The following UGT1A8 variants were observed in gnomAD, a reference collection of about 807,000 sequenced individuals.
UGT1A8 encodes the protein UDP-glucuronosyltransferase 1A8.
Under a neutral mutation model 45.3 loss-of-function variants are expected in UGT1A8, and 39 were observed. The observed-to-expected ratio is 0.86, with a 90% CI of 0.67 to 1.12. UGT1A8 has a LOEUF of 1.12. UGT1A8 is among the 50% of genes most tolerant of loss of function. The pLI, the probability that UGT1A8 is intolerant of heterozygous loss-of-function variation, is 0.00. For missense variants in UGT1A8, 719 were observed against 664.9 expected, an observed-to-expected ratio of 1.08 and a Z score of -0.90; for synonymous variants, 275 against 249.2, an observed-to-expected ratio of 1.10 and a Z score of -0.97.
chr2:233,656,353 G>A (rs959069106), intron 1 of UGT1A8, among the ~76,000 whole-genome samples: 107 of 152,198 alleles, frequency 7.0e-4, no homozygotes, highest in Middle Eastern at 3.2e-3. Flanking sequence ...TTCTTACCAG[G>A]AGAAAGTTAC....
chr2:233,712,601 G>T (rs2076243424), intron 1 of UGT1A8, among the ~76,000 whole-genome samples: 1 of 152,202 alleles, frequency 6.6e-6, no homozygotes, highest in Non-Finnish European at 1.5e-5. Context: ...TATGGTTGGG[G>T]ACTAGGGCAA....
At position 233,738,564 on chromosome 2, in the gene UGT1A8, T is replaced by G. The variant is rs1575624453; in HGVS notation, c.856-28470T>G. Reference sequence around the variant, plus strand: ...GAGTCTCAGATAGAGATGAGGAATCTGTTGAGAACTGGAGCAAAGGTCACT... The same window carrying G: ...GAGTCTCAGATAGAGATGAGGAATCGGTTGAGAACTGGAGCAAAGGTCACT... On this transcript the variant is annotated intron_variant, in intron 1 of 4. Transcript: ENST00000373450. Among the ~76,000 whole-genome samples, 3 of 152,322 alleles carry G rather than the reference T, an allele frequency of 2.0e-5. No individual in the cohort carries two copies. The South Asian group carries it at 6.2e-4, about 32-fold the overall frequency.
At chr2:233,636,804 C>T in intron 1 of UGT1A8, 1 of 1,614,148 alleles carries the variant, frequency 6.2e-7, no homozygotes. Flanking sequence ...TGGTTTTCGC[C>T]CATGCTCAAT....
chr2:233,707,787 G>A (rs1320068182), intron 1 of UGT1A8, among the ~76,000 whole-genome samples: 1 of 152,136 alleles, frequency 6.6e-6, no homozygotes, highest in Non-Finnish European at 1.5e-5. Context: ...ATATACCTAG[G>A]GGTGGAGCTG....
chr2:233,719,216 G>A (rs767651988), intron 1 of UGT1A8: 7 of 1,614,090 alleles, frequency 4.3e-6, no homozygotes, highest in East Asian at 4.5e-5. Context: ...TGGAGCTACT[G>A]CATAATGAGG....
Position 233,729,365 on chromosome 2 carries a change from A to C in UGT1A8, c.856-37669A>C, listed in dbSNP as rs367794808. ...GAGAACTTTTTCACCCTGACAACCT[A>C]TGCCATTTCGTGGACCCAGGATGAA... On this transcript the variant is annotated intron_variant, in intron 1 of 4. Coordinates refer to ENST00000373450, the MANE Select transcript of UGT1A8 (RefSeq NM_019076.5). 153 of 1,614,014 alleles carry C rather than the reference A, an allele frequency of 9.5e-5. No individual in the cohort carries two copies. Among genetic ancestry groups the C allele is most frequent in the Non-Finnish European group, 1.3e-4 (148 of 1,180,000 alleles).
chr2:233,654,812 C>A (rs1488580020), intron 1 of UGT1A8, among the ~76,000 whole-genome samples: 1 of 152,166 alleles, frequency 6.6e-6, no homozygotes, highest in Non-Finnish European at 1.5e-5. Flanking sequence ...AGAAATAAGG[C>A]CCAGCACAGT....
intron 1 of UGT1A8, among the ~76,000 whole-genome samples, chr2:233,661,995 G>A (rs571765797): frequency 6.6e-6 from 1 of 152,062 alleles, no homozygotes; most frequent in Non-Finnish European, 1.5e-5. Flanking sequence ...CTCACACGGC[G>A]TACTGAGTGG....
chr2:233,733,594 G>A (rs1409734181), intron 1 of UGT1A8, among the ~76,000 whole-genome samples: 1 of 152,164 alleles, frequency 6.6e-6, no homozygotes, highest in African/African-American at 2.4e-5. Context: ...TTCTGTTTAT[G>A]TGATGGATTA....
chr2:233,688,230 G>T (rs1056859026), intron 1 of UGT1A8, among the ~76,000 whole-genome samples: 3 of 152,180 alleles, frequency 2.0e-5, no homozygotes, highest in Non-Finnish European at 4.4e-5. Flanking sequence ...CCATGTTGTA[G>T]CATGAATCAG....
intron 1 of UGT1A8, chr2:233,718,913 G>T (rs2076699236): frequency 6.2e-7 from 1 of 1,613,958 alleles, no homozygotes; most frequent in African/African-American, 1.3e-5. Context: ...GTGGAAAGGT[G>T]TTGGTGGTGC....
intron 1 of UGT1A8, chr2:233,691,054 G>A (rs1435812829): frequency 1.5e-5 from 15 of 987,344 alleles, no homozygotes; most frequent in African/African-American, 3.5e-5. Flanking sequence ...GCAGAGTGGA[G>A]GTCTAGTATA....
chr2:233,656,715 G>T (rs764854716), intron 1 of UGT1A8, among the ~76,000 whole-genome samples: 5 of 152,078 alleles, frequency 3.3e-5, no homozygotes, highest in African/African-American at 1.2e-4. Context: ...GTGACGAGGC[G>T]TGTCCAGCCT....
At chr2:233,694,300 T>G (rs1423293480) in intron 1 of UGT1A8, among the ~76,000 whole-genome samples, 1 of 151,018 alleles carries the variant, frequency 6.6e-6, no homozygotes, top group East Asian at 1.9e-4. Flanking sequence ...AAGGCCTGTT[T>G]TTTGTTTTTT....
At chr2:233,736,459 C>G (rs1461778368) in intron 1 of UGT1A8, among the ~76,000 whole-genome samples, 5 of 152,202 alleles carry the variant, frequency 3.3e-5, no homozygotes, top group Admixed American at 3.3e-4. Flanking sequence ...TTCGAACATG[C>G]ACTTTTAGCT....
At chr2:233,757,535 A>AATATATATACATATACATACATAT (rs376887521) in intron 1 of UGT1A8, among the ~76,000 whole-genome samples, 1 of 88,310 alleles carries the variant, frequency 1.1e-5, no homozygotes, top group South Asian at 5.2e-4. Flanking sequence ...GCCTGTAAGG[A>AATATATATACATATACATACATAT]ATATATATAT....
chr2:233,637,917 G>T (rs2073343896), intron 1 of UGT1A8, among the ~76,000 whole-genome samples: 1 of 151,972 alleles, frequency 6.6e-6, no homozygotes, highest in South Asian at 2.1e-4. Context: ...TTTAATAATT[G>T]CATAAAATTC....
At chr2:233,704,122 C>T (rs1488202849) in intron 1 of UGT1A8, among the ~76,000 whole-genome samples, 2 of 152,014 alleles carry the variant, frequency 1.3e-5, no homozygotes, top group African/African-American at 4.8e-5. Flanking sequence ...AACTCCTTAC[C>T]TCAAGTGATC....
chr2:233,688,714 C>G (rs2074911087), intron 1 of UGT1A8, among the ~76,000 whole-genome samples: 1 of 152,160 alleles, frequency 6.6e-6, no homozygotes, highest in African/African-American at 2.4e-5. Flanking sequence ...GAACAAATAT[C>G]TGTTGAGAGT....
Sources: gnomAD v4.1 joint callset for allele counts (sites outside exome capture counted in the v4.1 genomes callset) on GRCh38, gnomAD v4.1.1 for gene constraint, MANE v1.5 for transcripts, NCBI Gene and HGNC (gene_info 2026-07-23, HGNC 2026-07-21) for gene names.